Variants in ATL2 observed in about 807,000 individuals in gnomAD.
The protein encoded by ATL2 is atlastin-2.
Under a neutral mutation model 73.9 loss-of-function variants are expected in ATL2, and 31 were observed. That is an observed-to-expected ratio of 0.42 (90% CI 0.32 to 0.57). The LOEUF is 0.57. Ranked by LOEUF, ATL2 falls within the 20% of genes least tolerant of loss-of-function variation. The probability of loss-of-function intolerance (pLI) is 0.14; values close to 1 mark genes in which losing one functional copy is unlikely to be tolerated. For missense variants in ATL2, 738 were observed against 702.6 expected, an observed-to-expected ratio of 1.05 and a Z score of -0.57; for synonymous variants, 291 against 237.5, an observed-to-expected ratio of 1.23 and a Z score of -2.07.
At chr2:38,332,450 C>T (rs909454887) in intron 2 of ATL2, among the ~76,000 whole-genome samples, 5 of 152,178 alleles carry the variant, frequency 3.3e-5, no homozygotes, top group African/African-American at 1.2e-4. Context: ...AAGCAATCCT[C>T]CCACCTCGGC....
intron 2 of ATL2, among the ~76,000 whole-genome samples, chr2:38,329,713 T>A (rs185510211): frequency 3.2e-4 from 49 of 151,992 alleles, no homozygotes; most frequent in African/African-American, 1.1e-3. Flanking sequence ...TATTAGCAAA[T>A]CAAATCTAAC....
chr2:38,353,415 GA>G (rs1169567612), intron 1 of ATL2, among the ~76,000 whole-genome samples: 1 of 151,986 alleles, frequency 6.6e-6, no homozygotes, highest in African/African-American at 2.4e-5. Context: ...AGTACAGAGA[GA>G]AAAAAGAATA....
In ATL2 at chr2:38,313,237, T is replaced by C; in HGVS notation, c.718A>G (p.Met240Val). Residue 240 changes from methionine (M) to valine (V), a missense_variant, in exon 7 of 13, where the codon ATG becomes GTG. Coordinates refer to ENST00000378954, the MANE Select transcript of ATL2 (RefSeq NM_001135673.4). ...TAGCTCCAATCTCGAATCAAAAACATTAATGTCTATACACAGAAAAAATAA... is the reference window on the plus strand; with the variant it reads ...TAGCTCCAATCTCGAATCAAAAACACTAATGTCTATACACAGAAAAAATAA... ...EIYQKPFQTL[M>V]FLIRDWSYPY... The C allele has an allele frequency of 6.2e-7, 1 of 1,607,078 alleles. No individual in the cohort carries two copies. The highest frequency in any genetic ancestry group is 8.5e-7 in the Non-Finnish European group (1 of 1,175,550).
chr2:38,365,484 G>A (rs1249335389), intron 1 of ATL2, among the ~76,000 whole-genome samples: 1 of 152,008 alleles, frequency 6.6e-6, no homozygotes, highest in Non-Finnish European at 1.5e-5. Flanking sequence ...GTGAAACCCT[G>A]TCTCTACTAA....
At chr2:38,321,060 G>T (rs1015022748) in intron 2 of ATL2, among the ~76,000 whole-genome samples, 18 of 152,094 alleles carry the variant, frequency 1.2e-4, no homozygotes, top group South Asian at 4.1e-4. Flanking sequence ...GAGGCTGAGG[G>T]AGGAGAATCG....
At chr2:38,377,718 C>T (rs1672074258), upstream of ATL2, among the ~76,000 whole-genome samples, 2 of 152,140 alleles carry the variant, frequency 1.3e-5, no homozygotes, top group Admixed American at 1.3e-4. Flanking sequence ...TTTCGCACCC[C>T]TTCTCTCCTT....
At chr2:38,321,988 C>G (rs2148442563) in intron 2 of ATL2, among the ~76,000 whole-genome samples, 1 of 152,290 alleles carries the variant, frequency 6.6e-6, no homozygotes, top group Admixed American at 6.5e-5. Context: ...CCATAGATCT[C>G]AACACACATC....
chr2:38,331,929 C>T (rs1669020108), intron 2 of ATL2, among the ~76,000 whole-genome samples: 1 of 152,008 alleles, frequency 6.6e-6, no homozygotes, highest in African/African-American at 2.4e-5. Context: ...AACAAACCAA[C>T]TGTCCATTAA....
chr2:38,355,847 G>A (rs1016235730), intron 1 of ATL2, among the ~76,000 whole-genome samples: 85 of 151,542 alleles, frequency 5.6e-4, no homozygotes, highest in African/African-American at 2.0e-3. Flanking sequence ...TTACAGGCAC[G>A]CACCACCACG....
intron 9 of ATL2, among the ~76,000 whole-genome samples, chr2:38,300,891 A>G (rs536179181): frequency 1.4e-5 from 2 of 146,714 alleles, no homozygotes; most frequent in African/African-American, 5.5e-5. Context: ...AAAAAAAAAA[A>G]AAAAACTAAT....
intron 2 of ATL2, among the ~76,000 whole-genome samples, chr2:38,342,082 T>A (rs1474114262): frequency 2.0e-5 from 3 of 152,074 alleles, no homozygotes; most frequent in African/African-American, 7.2e-5. Context: ...CTTGCAATTA[T>A]CAGAAAAACA....
At chr2:38,360,585 G>A (rs937687262) in intron 1 of ATL2, among the ~76,000 whole-genome samples, 5 of 151,996 alleles carry the variant, frequency 3.3e-5, no homozygotes, top group South Asian at 2.1e-4. Context: ...ACCCAGCCTC[G>A]GGGAACTCTA....
At chr2:38,361,085 G>A (rs1670987989) in intron 1 of ATL2, among the ~76,000 whole-genome samples, 1 of 152,104 alleles carries the variant, frequency 6.6e-6, no homozygotes, top group Admixed American at 6.6e-5. Flanking sequence ...CAGGCGCGGT[G>A]GCTCATGCCT....
chr2:38,334,290 A>G (rs1258679439), intron 2 of ATL2, among the ~76,000 whole-genome samples: 2 of 151,624 alleles, frequency 1.3e-5, no homozygotes, highest in Admixed American at 6.6e-5. Context: ...TCGGCCTCCT[A>G]AAGTGCTGGG....
intron 1 of ATL2, among the ~76,000 whole-genome samples, chr2:38,357,698 G>C (rs929833508): frequency 6.6e-6 from 1 of 150,744 alleles, no homozygotes; most frequent in Non-Finnish European, 1.5e-5. Context: ...TTTTATATTG[G>C]GGAGGAAAAG....
chr2:38,335,668 C>T (rs928141822), intron 2 of ATL2, among the ~76,000 whole-genome samples: 1 of 146,514 alleles, frequency 6.8e-6, no homozygotes, highest in African/African-American at 2.8e-5. Context: ...ACAGTGGTTA[C>T]TATAACATAT....
At chr2:38,344,349 G>A (rs1038674038) in intron 1 of ATL2, among the ~76,000 whole-genome samples, 1 of 152,046 alleles carries the variant, frequency 6.6e-6, no homozygotes, top group Admixed American at 6.6e-5. Context: ...GGGTGCAGTG[G>A]GTGTAATCCC....
rs1324733003 is a variant in ATL2, at chr2:38,294,547, C to CA, written c.*1446dup. On this transcript the variant is annotated 3_prime_UTR_variant, in exon 13 of 13. Transcript: ENST00000378954. ...TGGGTGACAGAGAGAGACTCCGTCT[C>CA]AAAAAAGAAACAAACAAAACTAGGT... is the stretch of plus-strand genomic sequence containing the variant. 4.1e-5 allele frequency among the ~76,000 whole-genome samples: 6 copies of CA among 146,642 alleles called. No individual in the cohort carries two copies. In the East Asian group the frequency reaches 1.2e-3, roughly 30 times the overall value.
At chr2:38,339,131 G>A (rs1428105772) in intron 2 of ATL2, among the ~76,000 whole-genome samples, 1 of 152,078 alleles carries the variant, frequency 6.6e-6, no homozygotes, top group Non-Finnish European at 1.5e-5. Flanking sequence ...CGAGATAATC[G>A]CTTGAACTCA....
Sources: gnomAD v4.1 joint callset for allele counts (sites outside exome capture counted in the v4.1 genomes callset) on GRCh38, gnomAD v4.1.1 for gene constraint, MANE v1.5 for transcripts, NCBI Gene and HGNC (gene_info 2026-07-23, HGNC 2026-07-21) for gene names.